Variants in PPP1R12B observed in about 807,000 individuals in gnomAD.
PPP1R12B encodes the protein myosin phosphatase target subunit 2.
PPP1R12B carries 76 observed loss-of-function variants against 126.1 expected under a neutral mutation model. That is an observed-to-expected ratio of 0.60 (90% CI 0.50 to 0.73). The LOEUF (loss-of-function observed/expected upper bound fraction) is 0.73, where lower values mean the gene tolerates loss of function less well. Ranked by LOEUF, PPP1R12B falls within the 30% of genes least tolerant of loss-of-function variation. The probability of loss-of-function intolerance (pLI) is 0.00; values close to 1 mark genes in which losing one functional copy is unlikely to be tolerated. For synonymous variants in PPP1R12B, 356 were observed against 434.7 expected (o/e 0.82, Z 2.25); for missense variants, 1,052 against 1,205.1 (o/e 0.87, Z 1.88).
chr1:202,428,903 G>T lies in PPP1R12B; in HGVS notation c.895G>T (p.Glu299Ter), dbSNP rs561924200. 6.2e-7 allele frequency: 1 copy of T among 1,608,050 alleles called. No individual in the cohort carries two copies. The highest frequency in any genetic ancestry group is 8.5e-7 in the Non-Finnish European group (1 of 1,177,780). The change falls in exon 6 of 24, where the codon GAG (glutamate) becomes TAG (stop). Residue 299 changes from glutamate to a stop codon, truncating the protein, a stop_gained. Transcript: ENST00000608999. LOFTEE classifies it high-confidence loss of function. Reference sequence around the variant, plus strand: ...TGATGAGGGTCTCGTGGAGCATTTGGAGTTGCTCCAGAAGAAGCAGAATGT... The same window carrying T: ...TGATGAGGGTCTCGTGGAGCATTTGTAGTTGCTCCAGAAGAAGCAGAATGT... ...VADEGLVEHLELLQKKQNVLR... is the reference protein window; with the variant it reads ...VADEGLVEHL
intron 15 of PPP1R12B, among the ~76,000 whole-genome samples, chr1:202,494,578 G>GGTT (rs1386324207): frequency 8.1e-6 from 1 of 123,866 alleles, no homozygotes; most frequent in African/African-American, 2.8e-5. Flanking sequence ...CTAATTCTCA[G>GGTT]GTTTAAAAAA....
chr1:202,555,228 T>C (rs1424557583), intron 18 of PPP1R12B, among the ~76,000 whole-genome samples: 1 of 147,178 alleles, frequency 6.8e-6, no homozygotes, highest in Non-Finnish European at 1.5e-5. Flanking sequence ...GTTAATGTCA[T>C]TTAAAAAGTA....
At chr1:202,384,401 C>T (rs1662805035) in intron 1 of PPP1R12B, among the ~76,000 whole-genome samples, 3 of 152,130 alleles carry the variant, frequency 2.0e-5, no homozygotes, top group Admixed American at 2.0e-4. Context: ...ATATATGCTA[C>T]AACTTGGATA....
chr1:202,556,924 C>A (rs1416556633), intron 18 of PPP1R12B, among the ~76,000 whole-genome samples: 1 of 152,210 alleles, frequency 6.6e-6, no homozygotes, highest in Non-Finnish European at 1.5e-5. Flanking sequence ...GCTAGGTCTT[C>A]TCACAAAGCT....
intron 23 of PPP1R12B, among the ~76,000 whole-genome samples, chr1:202,571,211 A>AG (rs1205565626): frequency 6.6e-6 from 1 of 152,186 alleles, no homozygotes. Context: ...CTGTAGGTTG[A>AG]GATAGGCTTA....
intron 18 of PPP1R12B, among the ~76,000 whole-genome samples, chr1:202,515,197 G>A (rs1007432290): frequency 1.3e-5 from 2 of 152,104 alleles, no homozygotes; most frequent in Non-Finnish European, 2.9e-5. Context: ...TTGGGTACTA[G>A]GCATAATACA....
Position 202,508,465 on chromosome 1 carries a change from A to G in PPP1R12B, c.2490+11643A>G, listed in dbSNP as rs1681066005. ...CATTGGCAAATTAATACCTAGCATAATACATAATACAAGTACTTATTATGG... is the reference window on the plus strand; with the variant it reads ...CATTGGCAAATTAATACCTAGCATAGTACATAATACAAGTACTTATTATGG... On this transcript the variant is annotated intron_variant, in intron 18 of 23. Transcript: ENST00000608999. This position sits in a 1 kb window ranked among gnomAD's most constrained non-coding sequence, Gnocchi z 4.5. Among the ~76,000 whole-genome samples, 1 of 152,212 alleles carries G rather than the reference A, an allele frequency of 6.6e-6. No individual in the cohort carries two copies. Among genetic ancestry groups the G allele is most frequent in the Non-Finnish European group, 1.5e-5 (1 of 68,012 alleles).
chr1:202,413,035 C>G (rs1034161826), intron 1 of PPP1R12B, among the ~76,000 whole-genome samples: 3 of 151,614 alleles, frequency 2.0e-5, no homozygotes, highest in African/African-American at 7.3e-5. Flanking sequence ...GTTGATAAAC[C>G]TAAGAAAACA....
At chr1:202,536,558 C>A (rs1684547913) in intron 18 of PPP1R12B, among the ~76,000 whole-genome samples, 1 of 152,184 alleles carries the variant, frequency 6.6e-6, no homozygotes, top group African/African-American at 2.4e-5. Flanking sequence ...CTACTATAGA[C>A]TATTAACACT....
intron 1 of PPP1R12B, among the ~76,000 whole-genome samples, chr1:202,393,947 G>C (rs941915678): frequency 2.0e-5 from 3 of 152,172 alleles, no homozygotes; most frequent in African/African-American, 4.8e-5. Context: ...ACATAAACCT[G>C]TACTAACACT....
intron 18 of PPP1R12B, among the ~76,000 whole-genome samples, chr1:202,541,603 C>A (rs995650015): frequency 6.6e-6 from 1 of 152,158 alleles, no homozygotes; most frequent in Non-Finnish European, 1.5e-5. Flanking sequence ...TTGCTCCCTT[C>A]CCTCTTATAC....
rs548954639 is a variant in PPP1R12B at position 202,461,846 on chromosome 1, T to C, written c.1850+12675T>C. On this transcript the variant is annotated intron_variant, in intron 13 of 23. Transcript: ENST00000608999. ...AGCAGTGTCCAGGAATCTAAGCATTTGAACATTTATATGAGGCAAGAGCTA... is the reference window on the plus strand; with the variant it reads ...AGCAGTGTCCAGGAATCTAAGCATTCGAACATTTATATGAGGCAAGAGCTA... Among the ~76,000 whole-genome samples, 48 of 152,270 alleles carry C rather than the reference T, an allele frequency of 3.2e-4. 1 individual carries two copies. The South Asian group carries it at 9.7e-3, about 31-fold the overall frequency.
chr1:202,552,515 A>T (rs1354753951), intron 18 of PPP1R12B, among the ~76,000 whole-genome samples: 1 of 152,200 alleles, frequency 6.6e-6, no homozygotes, highest in Non-Finnish European at 1.5e-5. Flanking sequence ...GTACCTCTGA[A>T]AATTTGAAGG....
intron 13 of PPP1R12B, among the ~76,000 whole-genome samples, chr1:202,466,359 C>G (rs901684005): frequency 1.3e-5 from 2 of 151,982 alleles, no homozygotes; most frequent in African/African-American, 2.4e-5. Flanking sequence ...TTGACTATTG[C>G]CTTCCTAAAT....
rs1437460674 is a variant in PPP1R12B, at chr1:202,495,432, G to A, written c.2285G>A (p.Ser762Asn). The A allele has an allele frequency of 6.2e-7, 1 of 1,610,326 alleles. No homozygotes were observed. The highest frequency in any genetic ancestry group is 8.5e-7 in the Non-Finnish European group (1 of 1,178,048). ...AGATTTTCAGTCCCTGATTCTGAGA[G>A]TTCAGAGACTACCACAAACACTACA... ...TNRFSVPDSESSETTTNTTTA... is the reference protein window; with the variant it reads ...TNRFSVPDSENSETTTNTTTA... Residue 762 changes from serine to asparagine, a missense_variant, in exon 16 of 24, where the codon AGT (serine) becomes AAT (asparagine). By Grantham distance (46) the Ser-to-Asn change is conservative. Coordinates refer to ENST00000608999, the MANE Select transcript of PPP1R12B (RefSeq NM_002481.4).
rs114538826 is a variant in PPP1R12B at position 202,374,057 on chromosome 1, T to C, written c.291+24915T>C. On this transcript the variant is annotated intron_variant, in intron 1 of 23. Transcript: ENST00000608999. ...TGTCTCACATAGTATGCTTTAAAAG[T>C]GACAGTTATCAGCTGTAGCTTTAAC... Among the ~76,000 whole-genome samples, 248 of 152,342 alleles carry C rather than the reference T, an allele frequency of 1.6e-3. 1 individual carries two copies. Among genetic ancestry groups the C allele is most frequent in the African/African-American group, 5.8e-3 (241 of 41,576 alleles).
chr1:202,355,964 G>A (rs1657009306), intron 1 of PPP1R12B, among the ~76,000 whole-genome samples: 1 of 152,104 alleles, frequency 6.6e-6, no homozygotes, highest in African/African-American at 2.4e-5. Context: ...GAGACCAGGA[G>A]TTTGAGACCA....
At chr1:202,387,585 T>C (rs1663360108) in intron 1 of PPP1R12B, among the ~76,000 whole-genome samples, 1 of 152,158 alleles carries the variant, frequency 6.6e-6, no homozygotes, top group Non-Finnish European at 1.5e-5. Flanking sequence ...AATGTTTCGA[T>C]GGTACAAGAT....
intron 13 of PPP1R12B, among the ~76,000 whole-genome samples, chr1:202,458,855 A>C (rs1673962162): frequency 6.6e-6 from 1 of 152,214 alleles, no homozygotes; most frequent in Non-Finnish European, 1.5e-5. Context: ...AATTTCAAAC[A>C]ATTAGTGAGC....
Sources: allele counts gnomAD v4.1 joint callset (sites outside exome capture counted in the v4.1 genomes callset), GRCh38; gene constraint gnomAD v4.1.1; non-coding constraint Gnocchi (gnomAD v3.1); transcripts MANE v1.5; gene names NCBI Gene and HGNC (gene_info 2026-07-23, HGNC 2026-07-21).